TBC1D9: variants seen among roughly 807,000 people sequenced by gnomAD.
TBC1D9 encodes the protein TBC1 domain family member 9, also known as TBC1 domain family member 9A.
A neutral mutation model predicts 132.0 loss-of-function variants in TBC1D9; 63 were observed. That is an observed-to-expected ratio of 0.48 (90% CI 0.39 to 0.59). TBC1D9 has a LOEUF of 0.59. TBC1D9 is among the 20% of genes least tolerant of loss of function. The pLI is 0.00. For missense variants in TBC1D9, 1,261 were observed against 1,592.7 expected (o/e 0.79, Z 3.54); for synonymous variants, 610 against 609.9 (o/e 1.00, Z 0.00).
chr4:140,676,822 A>C, intron 6 of TBC1D9, 72 bp downstream of exon 6: 2 of 1,556,312 alleles, frequency 1.3e-6, no homozygotes, highest in Non-Finnish European at 1.7e-6. Context: ...GTTGGTAAAA[A>C]AATTATTCCT....
intron 13 of TBC1D9, among the ~76,000 whole-genome samples, chr4:140,646,946 T>C (rs1158211766): frequency 1.3e-5 from 2 of 152,218 alleles, no homozygotes; most frequent in African/African-American, 4.8e-5. Flanking sequence ...TGAAAAGCAA[T>C]CATATTTAAT....
chr4:140,622,378 G>A lies in TBC1D9; in HGVS notation c.3618C>T (p.Asp1206=). The part of the protein sequence containing the change: ...TAALPRSTSL[D]RDWAITFEQF... ...GCTCGAAGGTGATGGCCCAGTCCCG[G>A]TCCAGGCTGGTGCTCCGGGGCAGTG... The change falls in exon 21 of 21, where the codon GAC becomes GAT. Residue 1206 remains aspartate (D), a synonymous_variant. Transcript: ENST00000442267. 1.9e-6 allele frequency: 3 copies of A among 1,613,160 alleles called. No individual in the cohort carries two copies. Among genetic ancestry groups the A allele is most frequent in the Non-Finnish European group, 1.7e-6 (2 of 1,179,222 alleles).
rs1736602195 is a variant in TBC1D9 at position 140,620,915 on chromosome 4, A to G, written c.*1280T>C. The stretch of plus-strand genomic sequence containing the variant: ...CAGCAATAGCTAAAAAAAGGACACA[A>G]TGTATAATAAAATAAAGGAATGTGT... On this transcript the variant is annotated 3_prime_UTR_variant, in exon 21 of 21. Transcript: ENST00000442267. The G allele has an allele frequency of 6.5e-6, 1 of 152,676 alleles. No homozygotes were observed. The highest frequency in any genetic ancestry group is 2.4e-5 in the African/African-American group (1 of 41,480). 9.5% of individuals were successfully genotyped at this position (152,676 alleles called of 1,614,324 possible).
intron 13 of TBC1D9, chr4:140,645,278 T>C (rs1737086574): frequency 1.9e-6 from 1 of 521,738 alleles, no homozygotes; most frequent in Non-Finnish European, 3.8e-6. Flanking sequence ...CTCTTTCACA[T>C]TACTCAGTGA....
Position 140,677,004 on chromosome 4 carries a change from T to C in TBC1D9, c.949A>G (p.Thr317Ala), listed in dbSNP as rs760569936. 5 of 1,613,770 alleles carry C rather than the reference T, an allele frequency of 3.1e-6. No homozygotes were observed. ...LDGHTDCTLW[T>A]PFNKMHILGQ... is the part of the protein sequence containing the mutation. ...AAAATGTGCATTTTGTTAAATGGAG[T>C]CCAGAGAGTGCAGTCTGTGTGGCCA... The change falls in exon 6 of 21, where the codon ACT (threonine) becomes GCT (alanine). Residue 317 changes from threonine to alanine, a missense_variant. Coordinates refer to ENST00000442267, the MANE Select transcript of TBC1D9 (RefSeq NM_015130.3).
chr4:140,652,779 T>C (rs183159014), intron 13 of TBC1D9, among the ~76,000 whole-genome samples: 28 of 152,352 alleles, frequency 1.8e-4, no homozygotes, highest in Non-Finnish European at 1.5e-4. Flanking sequence ...ATTATAGTAA[T>C]CATTAATAAG....
chr4:140,650,232 A>G (rs1737166755), intron 13 of TBC1D9, among the ~76,000 whole-genome samples: 1 of 152,278 alleles, frequency 6.6e-6, no homozygotes, highest in Non-Finnish European at 1.5e-5. Flanking sequence ...AATCATGAAC[A>G]GGCAGCCAGT....
At chr4:140,728,798 G>A (rs1192643459) in intron 1 of TBC1D9, among the ~76,000 whole-genome samples, 11 of 152,118 alleles carry the variant, frequency 7.2e-5, no homozygotes, top group South Asian at 2.1e-4. Flanking sequence ...AAGTAGCTGG[G>A]ACTACAGGTG....
At chr4:140,628,191 T>A (rs939809327) in intron 17 of TBC1D9, 109 bp downstream of exon 17, 2 of 857,764 alleles carry the variant, frequency 2.3e-6, no homozygotes, top group Non-Finnish European at 3.9e-6. Context: ...TAGTGACTCA[T>A]GAATGATGGT....
At chr4:140,696,121 C>T (rs765156941) in intron 2 of TBC1D9, among the ~76,000 whole-genome samples, 7 of 152,028 alleles carry the variant, frequency 4.6e-5, no homozygotes, top group Middle Eastern at 3.2e-3. Context: ...GAAATGTAAA[C>T]GATCAACTTC....
chr4:140,686,499 A>T, intron 2 of TBC1D9, 37 bp from the exon 3 acceptor site: 1 of 1,320,254 alleles, frequency 7.6e-7, no homozygotes, highest in Non-Finnish European at 1.1e-6. Context: ...GTCAGATTTC[A>T]TGCCAAAGAT....
chr4:140,690,407 G>A (rs947545308), intron 2 of TBC1D9, among the ~76,000 whole-genome samples: 7 of 151,986 alleles, frequency 4.6e-5, no homozygotes, highest in African/African-American at 1.7e-4. Context: ...TCTACTGCTC[G>A]CTATGAGGTA....
At chr4:140,686,855 G>A (rs918855291) in intron 2 of TBC1D9, among the ~76,000 whole-genome samples, 3 of 152,114 alleles carry the variant, frequency 2.0e-5, no homozygotes, top group African/African-American at 7.2e-5. Flanking sequence ...GGTTACAGTT[G>A]TTAAGTTGCA....
Position 140,659,713 on chromosome 4 carries a change from A to T in TBC1D9, c.1804-8T>A. On this transcript the variant is annotated splice_region_variant and splice_polypyrimidine_tract_variant and intron_variant, in intron 10 of 20. Transcript: ENST00000442267. ...AGTGACAATATTCATGGCCTAAAAA[A>T]GTGAAAGAGGATGTCATCAAATACA... The T allele has an allele frequency of 6.4e-7, 1 of 1,571,916 alleles. No individual in the cohort carries two copies. Among genetic ancestry groups the T allele is most frequent in the Non-Finnish European group, 8.7e-7 (1 of 1,151,356 alleles).
At chr4:140,717,344 G>C (rs927678303) in intron 1 of TBC1D9, among the ~76,000 whole-genome samples, 1 of 152,156 alleles carries the variant, frequency 6.6e-6, no homozygotes, top group Admixed American at 6.5e-5. Context: ...AAATTTTCCA[G>C]TTATAAAAAC....
chr4:140,669,201 T>C (rs1437531949), intron 8 of TBC1D9, 134 bp from the exon 9 acceptor site: 1 of 878,080 alleles, frequency 1.1e-6, no homozygotes, highest in Non-Finnish European at 1.7e-6. Context: ...AAAAAGGAAC[T>C]CAGATTTTCT....
At chr4:140,753,894 C>T (rs1397165470) in intron 1 of TBC1D9, among the ~76,000 whole-genome samples, 1 of 152,178 alleles carries the variant, frequency 6.6e-6, no homozygotes, top group East Asian at 1.9e-4. Flanking sequence ...AATGTTCCTG[C>T]TACATTTGAC....
chr4:140,728,562 C>T (rs1197267269), intron 1 of TBC1D9, among the ~76,000 whole-genome samples: 22 of 152,072 alleles, frequency 1.4e-4, no homozygotes, highest in Admixed American at 1.4e-3. Context: ...GATGCAATCT[C>T]GGCTCACTGA....
intron 13 of TBC1D9, among the ~76,000 whole-genome samples, chr4:140,640,357 G>A (rs1217893781): frequency 2.7e-5 from 4 of 146,336 alleles, no homozygotes; most frequent in African/African-American, 1.0e-4. Context: ...AGTCAACTCT[G>A]CATTTGTCTG....
Sources: allele counts gnomAD v4.1 joint callset (sites outside exome capture counted in the v4.1 genomes callset), GRCh38; gene constraint gnomAD v4.1.1; transcripts MANE v1.5; gene names NCBI Gene and HGNC (gene_info 2026-07-23, HGNC 2026-07-21).